The following SVOPL variants were observed in gnomAD, a reference collection of about 807,000 sequenced individuals.
SVOPL encodes putative transporter SVOPL.
SVOPL carries 60 observed loss-of-function variants against 61.0 expected under a neutral mutation model. That is an observed-to-expected ratio of 0.98 (90% CI 0.80 to 1.22). The LOEUF (loss-of-function observed/expected upper bound fraction) is 1.22. SVOPL is among the 50% of genes most tolerant of loss of function. The pLI is 0.00. For synonymous variants in SVOPL, 279 were observed against 250.0 expected (o/e 1.12, Z -1.09); for missense variants, 662 against 643.9 (o/e 1.03, Z -0.30).
In SVOPL at chr7:138,679,062, G is replaced by T; in HGVS notation, c.-17C>A. 1.3e-6 allele frequency: 2 copies of T among 1,549,970 alleles called. No individual in the cohort carries two copies. Among genetic ancestry groups the T allele is most frequent in the Non-Finnish European group, 8.7e-7 (1 of 1,145,860 alleles). ...GGTTGCCATCTTCTAAATAGCTCAA[G>T]TTCCCCAAACAGCTTCCCTGGTGGA... On this transcript the variant is annotated 5_prime_UTR_variant, in exon 2 of 16. Transcript: ENST00000674285.
intron 10 of SVOPL, 76 bp from the exon 11 acceptor site, chr7:138,628,439 T>C: frequency 6.8e-7 from 1 of 1,465,110 alleles, no homozygotes; most frequent in Non-Finnish European, 9.3e-7. Context: ...GGATACCAAG[T>C]GGAACGTGTA....
At chr7:138,645,365 A>C (rs1228818964) in intron 8 of SVOPL, among the ~76,000 whole-genome samples, 1 of 152,150 alleles carries the variant, frequency 6.6e-6, no homozygotes, top group Admixed American at 6.5e-5. Flanking sequence ...AAGCTCGAGA[A>C]TCAACTCTGA....
At chr7:138,673,692 T>C (rs1249887208) in intron 3 of SVOPL, among the ~76,000 whole-genome samples, 2 of 152,178 alleles carry the variant, frequency 1.3e-5, no homozygotes, top group African/African-American at 4.8e-5. Flanking sequence ...AAACTCATCT[T>C]CCTTCAGTAA....
intron 5 of SVOPL, chr7:138,660,940 AATT>A: frequency 1.0e-6 from 1 of 983,606 alleles, no homozygotes; most frequent in Non-Finnish European, 1.2e-6. Flanking sequence ...GATAAGGAAA[AATT>A]ATATCTTGCT....
At chr7:138,654,325 T>A (rs1801594822) in intron 7 of SVOPL, among the ~76,000 whole-genome samples, 1 of 152,154 alleles carries the variant, frequency 6.6e-6, no homozygotes, top group South Asian at 2.1e-4. Context: ...ATATCCTAAT[T>A]ATCCTGATTT....
chr7:138,660,572 A>G, intron 5 of SVOPL: 1 of 985,632 alleles, frequency 1.0e-6, no homozygotes, highest in Non-Finnish European at 1.2e-6. Context: ...AATATAATAC[A>G]TAAGACCTTG....
chr7:138,648,468 G>A lies in SVOPL; in HGVS notation c.660+544C>T, dbSNP rs1367073167. 4.0e-5 allele frequency among the ~76,000 whole-genome samples: 6 copies of A among 149,698 alleles called. No individual in the cohort carries two copies. In the South Asian group the frequency reaches 6.4e-4, roughly 16 times the overall value. ...GCTAATAATAGCACTTTGGGAGGCC[G>A]AGGCGGGTGGATCATGAGGTCAGGA... On this transcript the variant is annotated intron_variant, in intron 8 of 15. Transcript: ENST00000674285.
intron 4 of SVOPL, among the ~76,000 whole-genome samples, chr7:138,669,979 G>A (rs1307438987): frequency 2.0e-5 from 3 of 152,034 alleles, no homozygotes; most frequent in African/African-American, 7.2e-5. Context: ...CCCACCTGCT[G>A]GTTCTTTGAC....
intron 9 of SVOPL, among the ~76,000 whole-genome samples, chr7:138,636,975 A>G (rs1380178996): frequency 2.0e-5 from 3 of 152,306 alleles, no homozygotes; most frequent in Admixed American, 1.3e-4. Context: ...AAACAGTGTC[A>G]TATCATACCA....
At chr7:138,624,805 C>T (rs1466305605) in intron 13 of SVOPL, among the ~76,000 whole-genome samples, 1 of 151,930 alleles carries the variant, frequency 6.6e-6, no homozygotes, top group Admixed American at 6.6e-5. Flanking sequence ...TCAAGCAATC[C>T]TCCTGCCTCA....
chr7:138,621,048 GGGATA>G lies in SVOPL; in HGVS notation c.1346_1350del (p.Ile449ThrfsTer42). 6.2e-7 allele frequency: 1 copy of G among 1,613,436 alleles called. No individual in the cohort carries two copies. On this transcript the variant is annotated frameshift_variant, in exon 14 of 16. Coordinates refer to ENST00000674285, the MANE Select transcript of SVOPL (RefSeq NM_001139456.2). LOFTEE classifies it high-confidence loss of function. ...CCCTGCAGGGTCCTTGGCTGTACCT[GGGATA>G]TAAATGGTGCCACCATTGCACCAAT... is the stretch of plus-strand genomic sequence containing the variant.
intron 9 of SVOPL, among the ~76,000 whole-genome samples, chr7:138,643,482 C>CATAG (rs1328987066): frequency 6.7e-6 from 1 of 150,312 alleles, no homozygotes; most frequent in African/African-American, 2.5e-5. Context: ...CACCCGTGTT[C>CATAG]ATAGTAGCAT....
At chr7:138,640,643 C>G (rs1800737947) in intron 9 of SVOPL, among the ~76,000 whole-genome samples, 1 of 152,094 alleles carries the variant, frequency 6.6e-6, no homozygotes, top group Non-Finnish European at 1.5e-5. Flanking sequence ...GTCCATTATC[C>G]TAAGAAAATT....
intron 12 of SVOPL, among the ~76,000 whole-genome samples, chr7:138,626,802 C>T (rs1160959956): frequency 2.0e-5 from 3 of 151,682 alleles, no homozygotes; most frequent in Non-Finnish European, 4.4e-5. Context: ...GCTGAGATCG[C>T]ACCACTGCAT....
At chr7:138,616,461 C>G (rs1238718151) in intron 14 of SVOPL, among the ~76,000 whole-genome samples, 1 of 152,054 alleles carries the variant, frequency 6.6e-6, no homozygotes, top group Admixed American at 6.6e-5. Flanking sequence ...CTGAGCCTCC[C>G]GAATAGCTGG....
rs975555967 is a variant in SVOPL, at chr7:138,660,712, C to T, written c.346-724G>A. The stretch of plus-strand genomic sequence containing the variant: ...GCTAGATTTCTGGAAGACAAATGTT[C>T]AGGTTAGCAGAATATTTTCAAGGTT... On this transcript the variant is annotated intron_variant, in intron 5 of 15. Transcript: ENST00000674285. The T allele has an allele frequency of 4.1e-6, 4 of 985,208 alleles. No individual in the cohort carries two copies. The African/African-American group carries it at 5.2e-5, about 13-fold the overall frequency. The allele number at this position is 985,208 out of a possible 1,614,324, so 61.0% of individuals were successfully genotyped here. A position where few individuals can be genotyped will look rare whatever the true frequency, so the allele number is the denominator to read the frequency against.
At chr7:138,597,407 TACC>T (rs927568550) in intron 14 of SVOPL, among the ~76,000 whole-genome samples, 3 of 152,178 alleles carry the variant, frequency 2.0e-5, no homozygotes, top group Non-Finnish European at 2.9e-5. Flanking sequence ...AGCCTAGTGT[TACC>T]ACCACCACTT....
At chr7:138,622,237 T>A (rs1230799287) in intron 13 of SVOPL, among the ~76,000 whole-genome samples, 3,382 of 87,372 alleles carry the variant, frequency 0.039, 160 homozygotes, top group South Asian at 0.075. Context: ...TATCTATGTA[T>A]CTATCTATCT....
At chr7:138,678,267 T>C (rs1045739569) in intron 3 of SVOPL, among the ~76,000 whole-genome samples, 167 bp downstream of exon 3, 3 of 152,100 alleles carry the variant, frequency 2.0e-5, no homozygotes, top group Non-Finnish European at 2.9e-5. Flanking sequence ...TTGATGGATG[T>C]CTCCTGCCTC....
Sources: gnomAD v4.1 joint callset for allele counts (sites outside exome capture counted in the v4.1 genomes callset) on GRCh38, gnomAD v4.1.1 for gene constraint, MANE v1.5 for transcripts, NCBI Gene and HGNC (gene_info 2026-07-23, HGNC 2026-07-21) for gene names.